The following SLC16A7 variants were observed in gnomAD, a reference collection of about 807,000 sequenced individuals.
SLC16A7 encodes the protein monocarboxylate transporter 2.
SLC16A7 carries 33 observed loss-of-function variants against 34.9 expected under a neutral mutation model. That is an observed-to-expected ratio of 0.94 (90% CI 0.72 to 1.26). The LOEUF (loss-of-function observed/expected upper bound fraction) is 1.26, where lower values mean the gene tolerates loss of function less well. SLC16A7 is among the 50% of genes most tolerant of loss of function. The pLI is 0.00. For synonymous variants in SLC16A7, 201 were observed against 206.6 expected (o/e 0.97, Z 0.23); for missense variants, 573 against 578.1 (o/e 0.99, Z 0.09).
chr12:59,771,137 C>A, intron 3 of SLC16A7, 82 bp from the exon 4 acceptor site: 1 of 1,392,480 alleles, frequency 7.2e-7, no homozygotes, highest in South Asian at 1.4e-5. Flanking sequence ...GCTTTCTTGC[C>A]TTTCCAAATG....
At chr12:59,613,351 T>A (rs1375887113) in intron 1 of SLC16A7, among the ~76,000 whole-genome samples, 1 of 152,126 alleles carries the variant, frequency 6.6e-6, no homozygotes, top group African/African-American at 2.4e-5. Context: ...CCATGACATG[T>A]GAGGATTATG....
chr12:59,692,770 GGTCTATGAGCTAT>G (rs1871826042), intron 2 of SLC16A7, among the ~76,000 whole-genome samples: 1 of 151,920 alleles, frequency 6.6e-6, no homozygotes, highest in African/African-American at 2.4e-5. Flanking sequence ...GACATTTTGT[GGTCTATGAGCTAT>G]TGATATCTCT....
At chr12:59,629,781 G>A (rs942089488) in intron 1 of SLC16A7, among the ~76,000 whole-genome samples, 1 of 151,536 alleles carries the variant, frequency 6.6e-6, no homozygotes, top group African/African-American at 2.4e-5. Flanking sequence ...TATTTAGCCT[G>A]TCCTTGAAGA....
At chr12:59,650,629 A>C (rs1037090101) in intron 1 of SLC16A7, among the ~76,000 whole-genome samples, 1 of 152,160 alleles carries the variant, frequency 6.6e-6, no homozygotes, top group African/African-American at 2.4e-5. Context: ...ACAAAAATCT[A>C]TCTCTCTGTA....
At chr12:59,720,289 C>A in intron 3 of SLC16A7, 2 of 509,570 alleles carry the variant, frequency 3.9e-6, no homozygotes, top group South Asian at 3.0e-5. Flanking sequence ...TAAATTTGGT[C>A]TATGTTTTCT....
intron 1 of SLC16A7, among the ~76,000 whole-genome samples, chr12:59,653,973 A>G (rs1592439001): frequency 6.6e-6 from 1 of 151,848 alleles, no homozygotes; most frequent in East Asian, 1.9e-4. Flanking sequence ...GTTTAATAAT[A>G]AGATAAATAT....
intron 3 of SLC16A7, among the ~76,000 whole-genome samples, chr12:59,708,848 A>G (rs1180868134): frequency 6.6e-6 from 1 of 151,618 alleles, no homozygotes; most frequent in African/African-American, 2.4e-5. Flanking sequence ...GGAAGGATGG[A>G]AAAGAATGCA....
At chr12:59,750,881 TA>T (rs971545878) in intron 3 of SLC16A7, among the ~76,000 whole-genome samples, 9 of 151,960 alleles carry the variant, frequency 5.9e-5, no homozygotes, top group Admixed American at 2.6e-4. Context: ...TATGTAGCCA[TA>T]AAAAAAGGAT....
rs1164545398 is a variant in SLC16A7 at position 59,655,212 on chromosome 12, C to A, written c.-69C>A. 6.6e-6 allele frequency: 1 copy of A among 151,818 alleles called. No homozygotes were observed. The highest frequency in any genetic ancestry group is 2.4e-5 in the African/African-American group (1 of 41,362). 9.4% of individuals were successfully genotyped at this position (151,818 alleles called of 1,614,324 possible). ...CCTGAAACAAGGTGATCTGGGGAACCAAAGACTCTGGGACTCTTGGTGCCA... is the reference window on the plus strand; with the variant it reads ...CCTGAAACAAGGTGATCTGGGGAACAAAAGACTCTGGGACTCTTGGTGCCA... On this transcript the variant is annotated 5_prime_UTR_variant, in exon 2 of 6. Transcript: ENST00000547379.
chr12:59,652,914 AGGTTACTTG>A (rs1165687659), intron 1 of SLC16A7, among the ~76,000 whole-genome samples: 6 of 151,828 alleles, frequency 4.0e-5, no homozygotes, highest in African/African-American at 1.4e-4. Flanking sequence ...TACAAGGTGA[AGGTTACTTG>A]GAAGATGAAA....
At chr12:59,749,137 G>T (rs952799354) in intron 3 of SLC16A7, among the ~76,000 whole-genome samples, 4 of 152,182 alleles carry the variant, frequency 2.6e-5, no homozygotes, top group Non-Finnish European at 4.4e-5. Flanking sequence ...GTAAGGAAGA[G>T]AAATTAGCAT....
chr12:59,655,308 T>A (rs1206918215), intron 2 of SLC16A7, 58 bp downstream of exon 2: 2 of 151,928 alleles, frequency 1.3e-5, no homozygotes, highest in South Asian at 2.1e-4. Context: ...TAAGTCATGC[T>A]GTTTATGCAA....
chr12:59,638,584 T>C (rs1386897660), intron 1 of SLC16A7, among the ~76,000 whole-genome samples: 1 of 152,160 alleles, frequency 6.6e-6, no homozygotes, highest in Non-Finnish European at 1.5e-5. Context: ...ATTTTCAAAA[T>C]ACTTTCTCCA....
At chr12:59,603,734 T>G (rs1737197130) in intron 1 of SLC16A7, among the ~76,000 whole-genome samples, 1 of 152,244 alleles carries the variant, frequency 6.6e-6, no homozygotes, top group East Asian at 1.9e-4. Context: ...AATAATGTAT[T>G]CATATTTATG....
intron 3 of SLC16A7, chr12:59,734,001 C>T (rs1698875079): frequency 2.9e-6 from 1 of 350,594 alleles, no homozygotes; most frequent in Non-Finnish European, 5.7e-6. Context: ...TGTGGGCAGC[C>T]ATGGGTGGGC....
At position 59,773,808 on chromosome 12, in the gene SLC16A7, CTGCCCTGGCCTCCCAAAG is replaced by C. The variant is rs1013322111; in HGVS notation, c.362-845_362-828del. ...TCGATCTCCTGACCTCATGATCCAT[CTGCCCTGGCCTCCCAAAG>C]TGCTGGGATTACAGGCATGAACCAC... is the stretch of plus-strand genomic sequence containing the variant. On this transcript the variant is annotated intron_variant, in intron 4 of 5. Transcript: ENST00000547379. Among the ~76,000 whole-genome samples, 67 of 152,262 alleles carry C rather than the reference CTGCCCTGGCCTCCCAAAG, an allele frequency of 4.4e-4. 5 individuals carry two copies. Among genetic ancestry groups the C allele is most frequent in the African/African-American group, 1.5e-3 (64 of 41,556 alleles).
In SLC16A7 at chr12:59,619,078, G is replaced by A. The variant is rs78074957; in HGVS notation, c.-130+22842G>A. Among the ~76,000 whole-genome samples, 73 of 152,066 alleles carry A rather than the reference G, an allele frequency of 4.8e-4. 1 individual carries two copies. The East Asian group carries it at 0.012, about 24-fold the overall frequency. On this transcript the variant is annotated intron_variant, in intron 1 of 5. Coordinates refer to ENST00000547379, the MANE Select transcript of SLC16A7 (RefSeq NM_001270623.2). The stretch of plus-strand genomic sequence containing the variant: ...TCTAATGTGAGCATTTAACCTTTTA[G>A]AGTGACTTCACACTTTAACATGAAC...
chr12:59,753,005 G>A lies in SLC16A7; in HGVS notation c.218-18214G>A, dbSNP rs146964128. On this transcript the variant is annotated intron_variant, in intron 3 of 5. Transcript: ENST00000547379. ...CCAGAATTTCATATCCAGCCAAACT[G>A]AGCTTCATAAGTGAAAGAGAAATAA... 7.2e-3 allele frequency among the ~76,000 whole-genome samples: 1,091 copies of A among 152,194 alleles called. 18 individuals are homozygous for A. Among genetic ancestry groups the A allele is most frequent in the African/African-American group, 0.022 (905 of 41,532 alleles).
intron 3 of SLC16A7, among the ~76,000 whole-genome samples, chr12:59,718,527 C>T (rs1179130685): frequency 6.6e-6 from 1 of 152,040 alleles, no homozygotes; most frequent in Non-Finnish European, 1.5e-5. Flanking sequence ...GTATAAAATG[C>T]CCATGGTTTA....
Sources: allele counts gnomAD v4.1 joint callset (sites outside exome capture counted in the v4.1 genomes callset), GRCh38; gene constraint gnomAD v4.1.1; transcripts MANE v1.5; gene names NCBI Gene and HGNC (gene_info 2026-07-23, HGNC 2026-07-21).